OR1F1: variants seen among roughly 807,000 people sequenced by gnomAD.
OR1F1 encodes olfactory receptor family 1 subfamily F member 1, also known as olfactory receptor 1F1.
For missense variants in OR1F1, 493 were observed against 376.3 expected (o/e 1.31, Z -2.57); for synonymous variants, 184 against 156.7 (o/e 1.17, Z -1.30).
chr16:3,205,534 C>T (rs967549511), downstream of OR1F1, among the ~76,000 whole-genome samples: 5 of 150,894 alleles, frequency 3.3e-5, no homozygotes, highest in Non-Finnish European at 5.9e-5. Context: ...AGGCTGGATG[C>T]TGTTGCGGGA....
At chr16:3,200,206 G>C (rs1284210194), upstream of OR1F1, among the ~76,000 whole-genome samples, 1 of 152,132 alleles carries the variant, frequency 6.6e-6, no homozygotes, top group African/African-American at 2.4e-5. Flanking sequence ...CCTGTTCTGG[G>C]TGGTCTTCTT....
chr16:3,199,961 A>T (rs1958118158), upstream of OR1F1, among the ~76,000 whole-genome samples: 2 of 151,636 alleles, frequency 1.3e-5, no homozygotes, highest in Admixed American at 1.3e-4. Context: ...GGTTGTGGTG[A>T]ACCGAGATCA....
At chr16:3,193,522 G>A in the OR1F1 span, among the ~76,000 whole-genome samples, 2 of 152,248 alleles carry the variant, frequency 1.3e-5, no homozygotes, top group Admixed American at 6.5e-5. Context: ...AGCTCTACGG[G>A]GAATGGGAGT....
chr16:3,198,319 C>T, the OR1F1 span, among the ~76,000 whole-genome samples: 29 of 152,106 alleles, frequency 1.9e-4, no homozygotes, highest in African/African-American at 3.9e-4. Context: ...CCAGGAAGAG[C>T]GGGTGTTTTC....
the OR1F1 span, among the ~76,000 whole-genome samples, chr16:3,198,202 G>A: frequency 6.6e-6 from 1 of 151,820 alleles, no homozygotes; most frequent in Admixed American, 6.6e-5. Flanking sequence ...ATTGGCTCAC[G>A]CAGATGGAGG....
At chr16:3,204,568 G>A (rs201720218) in exon 1 of OR1F1, 19 of 1,614,040 alleles carry the variant, frequency 1.2e-5, no homozygotes, top group Admixed American at 5.0e-5. Flanking sequence ...TTTCATGTTC[G>A]TGGACATGGA....
the OR1F1 span, among the ~76,000 whole-genome samples, chr16:3,196,489 T>A: frequency 6.6e-6 from 1 of 151,478 alleles, no homozygotes; most frequent in Non-Finnish European, 1.5e-5. Context: ...GCTGAGGATA[T>A]CTTCCCACCT....
chr16:3,200,349 C>A (rs1458983344), upstream of OR1F1, among the ~76,000 whole-genome samples: 1 of 152,156 alleles, frequency 6.6e-6, no homozygotes, highest in Admixed American at 6.5e-5. Flanking sequence ...GTGGCGCATG[C>A]CTGTAATCCC....
upstream of OR1F1, among the ~76,000 whole-genome samples, chr16:3,201,479 G>T (rs1290778492): frequency 1.3e-5 from 2 of 152,130 alleles, no homozygotes; most frequent in African/African-American, 4.8e-5. Context: ...GCCAACACTT[G>T]TCATTTTTGT....
chr16:3,192,798 C>A, the OR1F1 span, among the ~76,000 whole-genome samples: 2 of 150,524 alleles, frequency 1.3e-5, no homozygotes, highest in Admixed American at 1.3e-4. Flanking sequence ...TGGGGTGCGG[C>A]CCGGGAGGCT....
downstream of OR1F1, among the ~76,000 whole-genome samples, chr16:3,205,376 C>T (rs572560647): frequency 2.2e-4 from 34 of 152,202 alleles, no homozygotes; most frequent in African/African-American, 6.5e-4. Flanking sequence ...AGTGCAGTGC[C>T]GTGATCTTGG....
the OR1F1 span, among the ~76,000 whole-genome samples, chr16:3,193,388 C>T: frequency 1.3e-5 from 2 of 152,216 alleles, no homozygotes; most frequent in Non-Finnish European, 2.9e-5. Context: ...CTAGTTCCTT[C>T]GGGCGCCTGG....
At chr16:3,193,596 G>A in the OR1F1 span, among the ~76,000 whole-genome samples, 2 of 151,998 alleles carry the variant, frequency 1.3e-5, no homozygotes, top group African/African-American at 4.8e-5. Flanking sequence ...GCAAGAACTG[G>A]GCTAAGACTA....
chr16:3,204,442 C>A lies in OR1F1; in HGVS notation c.196C>A (p.Leu66Met), dbSNP rs149217288. Residue 66 changes from leucine to methionine, a missense_variant, in exon 1 of 1, where the codon CTG becomes ATG. By Grantham distance (15) the Leu-to-Met change is conservative. Coordinates refer to ENST00000304646, the Ensembl canonical transcript of OR1F1. ...CCCCATGTACTTCTTCCTCAGCAAC[C>A]TGTCTTTTGTGGACATCTGCTTCTC... 6.8e-6 allele frequency: 11 copies of A among 1,614,162 alleles called. No individual in the cohort carries two copies. The East Asian group carries it at 1.1e-4, about 16-fold the overall frequency.
downstream of OR1F1, chr16:3,205,198 G>C (rs755176772): frequency 1.3e-6 from 2 of 1,570,074 alleles, no homozygotes; most frequent in East Asian, 4.5e-5. Context: ...AAATAATCAA[G>C]ACTGAATCTC....
the OR1F1 span, among the ~76,000 whole-genome samples, chr16:3,194,995 G>A: frequency 6.6e-6 from 1 of 152,188 alleles, no homozygotes; most frequent in Non-Finnish European, 1.5e-5. Context: ...CCAGGATTTG[G>A]GGTCCAGCAA....
At chr16:3,189,614 C>T in the OR1F1 span, 20 of 152,354 alleles carry the variant, frequency 1.3e-4, no homozygotes, top group African/African-American at 4.1e-4. Flanking sequence ...ACAAAGATAA[C>T]CTTAATGCGT....
chr16:3,203,137 A>G (rs942890349), upstream of OR1F1, among the ~76,000 whole-genome samples: 3 of 152,232 alleles, frequency 2.0e-5, no homozygotes, highest in African/African-American at 7.2e-5. Context: ...GGAATTATGT[A>G]TGACAAAGCT....
chr16:3,189,289 G>C, the OR1F1 span, among the ~76,000 whole-genome samples: 8 of 152,190 alleles, frequency 5.3e-5, no homozygotes, highest in African/African-American at 1.9e-4. Context: ...GACCCTCAGC[G>C]CAGCCGCTGC....
Sources: gnomAD v4.1 joint callset for allele counts (sites outside exome capture counted in the v4.1 genomes callset) on GRCh38, gnomAD v4.1.1 for gene constraint, MANE v1.5 for transcripts, NCBI Gene and HGNC (gene_info 2026-07-23, HGNC 2026-07-21) for gene names.